The following PCDHA1 variants were observed in gnomAD, a reference collection of about 807,000 sequenced individuals.
PCDHA1 encodes the protein protocadherin alpha 1, also known as protocadherin alpha-1.
In PCDHA1, 42 loss-of-function variants were observed where a neutral mutation model predicts 61.3. The observed-to-expected ratio is 0.69, with a 90% CI of 0.54 to 0.89. PCDHA1 has a LOEUF of 0.89. PCDHA1 is among the 40% of genes least tolerant of loss of function. PCDHA1 has a pLI of 0.00. For missense variants in PCDHA1, 1,256 were observed against 1,235.3 expected (o/e 1.02, Z -0.25); for synonymous variants, 610 against 553.8 (o/e 1.10, Z -1.43).
intron 1 of PCDHA1, chr5:140,928,911 A>G: frequency 6.2e-7 from 1 of 1,614,184 alleles, no homozygotes; most frequent in Non-Finnish European, 8.5e-7. Flanking sequence ...TCTGGGAACC[A>G]GGAGGGCAGC....
At chr5:140,862,360 G>A (rs920511235) in intron 1 of PCDHA1, 3 of 334,748 alleles carry the variant, frequency 9.0e-6, no homozygotes, top group Non-Finnish European at 1.8e-5. Context: ...AGGGACAGAC[G>A]ACCCGCACCC....
In PCDHA1 at chr5:140,843,462, C is replaced by T. The variant is rs2150360645; in HGVS notation, c.2394+54778C>T. 3.1e-6 allele frequency: 5 copies of T among 1,596,046 alleles called. 1 individual carries two copies. The highest frequency in any genetic ancestry group is 2.2e-5 in the East Asian group (1 of 44,822). ...GCGGTATCCAGCCTGCTGGTGCTCACGCTGCTGCTGTACACTGCGCTGCGG... is the reference window on the plus strand; with the variant it reads ...GCGGTATCCAGCCTGCTGGTGCTCATGCTGCTGCTGTACACTGCGCTGCGG... On this transcript the variant is annotated intron_variant, in intron 1 of 3. Coordinates refer to ENST00000504120, the MANE Select transcript of PCDHA1 (RefSeq NM_018900.4).
chr5:140,987,001 G>T (rs2097221434), intron 3 of PCDHA1, among the ~76,000 whole-genome samples: 1 of 152,038 alleles, frequency 6.6e-6, no homozygotes. Context: ...ATCACTTGAG[G>T]TCATGAGTTC....
At position 140,787,656 on chromosome 5, in the gene PCDHA1, G is replaced by C. The variant is rs781972006; in HGVS notation, c.1366G>C (p.Ala456Pro). Reference sequence around the variant, plus strand: ...CGTGAATGACAACGCGCCTGCGTTCGCGCAGCCCGAGTACACAGTATTCGT... The same window carrying C: ...CGTGAATGACAACGCGCCTGCGTTCCCGCAGCCCGAGTACACAGTATTCGT... ...ADVNDNAPAF[A>P]QPEYTVFVKE... is the part of the protein sequence containing the mutation. Residue 456 changes from alanine (A) to proline (P), a missense_variant, in exon 1 of 4, where the codon GCG becomes CCG. Transcript: ENST00000504120. The C allele has an allele frequency of 1.9e-6, 3 of 1,613,770 alleles. No individual in the cohort carries two copies. In the South Asian group the frequency reaches 3.3e-5, roughly 18 times the overall value.
chr5:140,877,689 G>A (rs1554169989), intron 1 of PCDHA1: 2 of 1,613,914 alleles, frequency 1.2e-6, no homozygotes, highest in Non-Finnish European at 8.5e-7. Flanking sequence ...AGCCCACGCT[G>A]GTGTGCTCCA....
At chr5:140,809,951 C>G (rs1277877480) in intron 1 of PCDHA1, 3 of 163,348 alleles carry the variant, frequency 1.8e-5, no homozygotes, top group African/African-American at 7.2e-5. Context: ...TGAAAAGCTC[C>G]GTTGCCTCCA....
chr5:141,004,500 T>C (rs1481568200), intron 3 of PCDHA1, among the ~76,000 whole-genome samples: 1 of 152,242 alleles, frequency 6.6e-6, no homozygotes, highest in Non-Finnish European at 1.5e-5. Context: ...GCAGTCCTGC[T>C]GTGAGGGGCT....
At chr5:140,955,771 A>G (rs527455823) in intron 1 of PCDHA1, among the ~76,000 whole-genome samples, 1 of 152,168 alleles carries the variant, frequency 6.6e-6, no homozygotes, top group Admixed American at 6.5e-5. Context: ...GATTCTGTCT[A>G]TCCATGAGCA....
At position 141,010,536 on chromosome 5, in the gene PCDHA1, T is replaced by A; in HGVS notation, c.*599T>A. On this transcript the variant is annotated 3_prime_UTR_variant, in exon 4 of 4. Transcript: ENST00000504120. ...AACTCAAGAGGTGGCAGCCACCCTC[T>A]AGGAGACAAAACTACCCCCACTGAC... 1 of 381,624 alleles carries A rather than the reference T, an allele frequency of 2.6e-6. No homozygotes were observed. The highest frequency in any genetic ancestry group is 4.6e-6 in the Non-Finnish European group (1 of 218,036). 23.6% of individuals were successfully genotyped at this position (381,624 alleles called of 1,614,324 possible).
chr5:140,833,151 G>A (rs1260869856), intron 1 of PCDHA1, among the ~76,000 whole-genome samples: 3 of 152,094 alleles, frequency 2.0e-5, no homozygotes, highest in Non-Finnish European at 4.4e-5. Flanking sequence ...GAAGCAATAC[G>A]AATAAAAAGT....
chr5:140,797,152 G>T (rs1762190329), intron 1 of PCDHA1: 4 of 1,613,858 alleles, frequency 2.5e-6, no homozygotes, highest in Non-Finnish European at 3.4e-6. Context: ...ACCCACCGAG[G>T]GTGCGCGCGC....
intron 1 of PCDHA1, chr5:140,882,953 C>T: frequency 3.7e-6 from 6 of 1,614,184 alleles, no homozygotes; most frequent in East Asian, 2.2e-5. Flanking sequence ...AGTTCAGCTG[C>T]TCATCACGAT....
chr5:140,794,961 G>A (rs781968540), intron 1 of PCDHA1: 3 of 1,603,984 alleles, frequency 1.9e-6, no homozygotes, highest in Non-Finnish European at 2.6e-6. Context: ...ATTGAGGATT[G>A]GTAATGGCGT....
chr5:140,919,080 T>C (rs1208413625), intron 1 of PCDHA1, among the ~76,000 whole-genome samples: 1 of 152,260 alleles, frequency 6.6e-6, no homozygotes, highest in Non-Finnish European at 1.5e-5. Flanking sequence ...GTTATGACTA[T>C]TGAATTGTCT....
At chr5:140,827,423 T>G (rs1417944566) in intron 1 of PCDHA1, among the ~76,000 whole-genome samples, 1 of 152,238 alleles carries the variant, frequency 6.6e-6, no homozygotes, top group African/African-American at 2.4e-5. Context: ...CTCTAGAATT[T>G]TATCTTCCAT....
Position 140,969,610 on chromosome 5 carries a change from G to A in PCDHA1, c.2395-9339G>A, listed in dbSNP as rs1468528731. 9 of 723,424 alleles carry A rather than the reference G, an allele frequency of 1.2e-5. No individual in the cohort carries two copies. In the African/African-American group the frequency reaches 1.4e-4, roughly 11 times the overall value. The allele number at this position is 723,424 out of a possible 1,614,324, so 44.8% of individuals were successfully genotyped here. On this transcript the variant is annotated intron_variant, in intron 1 of 3. Transcript: ENST00000504120. ...TCTTAATATTTAATGCTAAAACACA[G>A]ATTTGTAGAGAAACAGGACAGGCCT...
chr5:140,844,840 G>A lies in PCDHA1; in HGVS notation c.2394+56156G>A, dbSNP rs2150374183. 8.0e-5 allele frequency among the ~76,000 whole-genome samples: 12 copies of A among 149,088 alleles called. No homozygotes were observed. In the East Asian group the frequency reaches 1.9e-3, roughly 24 times the overall value. On this transcript the variant is annotated intron_variant, in intron 1 of 3. Transcript: ENST00000504120. ...TTGTCTTTTTACACGTTTGCTTCTT[G>A]TGACTGTTGGACCTGCCTGGATATT...
intron 1 of PCDHA1, chr5:140,801,095 A>G: frequency 6.7e-7 from 1 of 1,498,406 alleles, no homozygotes; most frequent in Non-Finnish European, 8.8e-7. Flanking sequence ...ATCCTCTCTA[A>G]AATTTAACAC....
intron 1 of PCDHA1, 174 bp downstream of exon 1, chr5:140,788,858 G>C: frequency 7.3e-7 from 1 of 1,363,130 alleles, no homozygotes; most frequent in Non-Finnish European, 9.5e-7. Flanking sequence ...AATGGAACTA[G>C]AAAGCAAAGA....
Sources: allele counts gnomAD v4.1 joint callset (sites outside exome capture counted in the v4.1 genomes callset), GRCh38; gene constraint gnomAD v4.1.1; transcripts MANE v1.5; gene names NCBI Gene and HGNC (gene_info 2026-07-23, HGNC 2026-07-21).